Variants in FARS2 observed in about 807,000 individuals in gnomAD.
FARS2 encodes the protein phenylalanyl-tRNA synthetase 2, mitochondrial.
A neutral mutation model predicts 46.4 loss-of-function variants in FARS2; 40 were observed. That is an observed-to-expected ratio of 0.86 (90% CI 0.67 to 1.12). The LOEUF is 1.12. Ranked by LOEUF, FARS2 falls within the 50% of genes most tolerant of loss-of-function variation. The pLI is 0.00. For missense variants in FARS2, 513 were observed against 567.9 expected (o/e 0.90, Z 0.98); for synonymous variants, 234 against 214.9 (o/e 1.09, Z -0.78).
At chr6:5,638,858 C>T (rs1423323866) in intron 6 of FARS2, among the ~76,000 whole-genome samples, 1 of 152,200 alleles carries the variant, frequency 6.6e-6, no homozygotes, top group Non-Finnish European at 1.5e-5. Flanking sequence ...GAGCTCAGGC[C>T]ACTCACAGCT....
chr6:5,640,650 G>T (rs542661400), intron 6 of FARS2, among the ~76,000 whole-genome samples: 76 of 152,310 alleles, frequency 5.0e-4, no homozygotes, highest in African/African-American at 1.7e-3. Flanking sequence ...TCTCGAAGCC[G>T]CCTGCTATGC....
chr6:5,266,256 G>A lies in FARS2; in HGVS notation c.-22+4596G>A, dbSNP rs115031601. Among the ~76,000 whole-genome samples the A allele has an allele frequency of 6.5e-3, 984 of 152,324 alleles. 16 individuals are homozygous for A. Among genetic ancestry groups the A allele is most frequent in the African/African-American group, 0.023 (941 of 41,550 alleles). The stretch of plus-strand genomic sequence containing the variant: ...ATGAGGGTGAGAACGGGGAGATCCC[G>A]TGAAAAGGTAATACATCGGCTTTCA... On this transcript the variant is annotated intron_variant, in intron 1 of 6. Transcript: ENST00000274680.
At chr6:5,742,822 G>A (rs1412434523) in intron 6 of FARS2, among the ~76,000 whole-genome samples, 2 of 152,044 alleles carry the variant, frequency 1.3e-5, no homozygotes, top group Non-Finnish European at 2.9e-5. Context: ...AAAGCAAAAC[G>A]ACATAGTATT....
intron 1 of FARS2, among the ~76,000 whole-genome samples, chr6:5,269,053 G>A (rs557975510): frequency 2.0e-5 from 3 of 152,252 alleles, no homozygotes; most frequent in Admixed American, 1.3e-4. Context: ...GTTTATTGCA[G>A]CACTGTTCAC....
chr6:5,726,467 G>A (rs1025432486), intron 6 of FARS2, among the ~76,000 whole-genome samples: 1 of 152,220 alleles, frequency 6.6e-6, no homozygotes, highest in African/African-American at 2.4e-5. Flanking sequence ...TCCTCACGAT[G>A]TAAAAACATG....
chr6:5,328,793 T>A lies in FARS2; in HGVS notation c.-21-39757T>A, dbSNP rs1188587598. ...TCCTTAAAAATAAAAGAAAAAAACC[T>A]AACATGTAGACTTTTTCTCTGCAGC... On this transcript the variant is annotated intron_variant, in intron 1 of 6. Transcript: ENST00000274680. 2.0e-5 allele frequency among the ~76,000 whole-genome samples: 3 copies of A among 152,150 alleles called. No individual in the cohort carries two copies. In the East Asian group the frequency reaches 5.8e-4, roughly 29 times the overall value.
chr6:5,532,764 G>GTAATAA (rs113215364), intron 4 of FARS2, among the ~76,000 whole-genome samples: 12 of 148,808 alleles, frequency 8.1e-5, no homozygotes, highest in East Asian at 1.9e-4. Flanking sequence ...AGTAGTAGTA[G>GTAATAA]TAATAATAAT....
chr6:5,341,270 A>G (rs1771632603), intron 1 of FARS2, among the ~76,000 whole-genome samples: 1 of 77,472 alleles, frequency 1.3e-5, no homozygotes, highest in East Asian at 3.4e-4. Flanking sequence ...CTGTGAGAGC[A>G]GTTGTTTTGA....
At chr6:5,430,885 A>C (rs189939451) in intron 3 of FARS2, among the ~76,000 whole-genome samples, 156 bp from the exon 4 acceptor site, 8 of 152,218 alleles carry the variant, frequency 5.3e-5, no homozygotes, top group Admixed American at 2.6e-4. Flanking sequence ...TTTAAGATTT[A>C]TTGCCTCACC....
chr6:5,698,709 G>C (rs1406357611), intron 6 of FARS2, among the ~76,000 whole-genome samples: 3 of 152,186 alleles, frequency 2.0e-5, no homozygotes, highest in Non-Finnish European at 4.4e-5. Context: ...TGGCCCACAG[G>C]GTGTGGGTCC....
chr6:5,740,429 G>A (rs570321844), intron 6 of FARS2, among the ~76,000 whole-genome samples: 28 of 152,004 alleles, frequency 1.8e-4, no homozygotes, highest in African/African-American at 3.9e-4. Flanking sequence ...AAATAGTAGA[G>A]ATTTCTTAAG....
chr6:5,486,838 G>A (rs1290616324), intron 4 of FARS2, among the ~76,000 whole-genome samples: 2 of 152,152 alleles, frequency 1.3e-5, no homozygotes, highest in Non-Finnish European at 2.9e-5. Context: ...ATCTACCTCT[G>A]TCTTCTGTGA....
chr6:5,662,852 A>G (rs1777913143), intron 6 of FARS2, among the ~76,000 whole-genome samples: 2 of 152,168 alleles, frequency 1.3e-5, no homozygotes, highest in Admixed American at 1.3e-4. Flanking sequence ...GCCCCAGTTT[A>G]CTTCACTATA....
intron 6 of FARS2, among the ~76,000 whole-genome samples, chr6:5,716,020 T>C (rs1759472382): frequency 6.6e-6 from 1 of 152,210 alleles, no homozygotes. Context: ...CTACAAAGTG[T>C]TACCTCATTC....
chr6:5,606,680 A>G (rs1274236022), intron 5 of FARS2, among the ~76,000 whole-genome samples: 1 of 152,186 alleles, frequency 6.6e-6, no homozygotes, highest in Admixed American at 6.5e-5. Context: ...TTTGTTACTC[A>G]GCACAGAGGT....
At chr6:5,731,202 T>A (rs985765655) in intron 6 of FARS2, among the ~76,000 whole-genome samples, 2 of 152,208 alleles carry the variant, frequency 1.3e-5, no homozygotes, top group African/African-American at 4.8e-5. Flanking sequence ...AAAATGAGAC[T>A]GAGTATATTG....
intron 5 of FARS2, among the ~76,000 whole-genome samples, chr6:5,584,877 A>C (rs923303510): frequency 2.6e-5 from 4 of 152,212 alleles, no homozygotes; most frequent in Non-Finnish European, 5.9e-5. Flanking sequence ...GGAGATATCG[A>C]TGGTGTTAAT....
intron 2 of FARS2, among the ~76,000 whole-genome samples, chr6:5,377,804 A>G (rs897244518): frequency 1.2e-4 from 19 of 152,174 alleles, no homozygotes; most frequent in African/African-American, 4.6e-4. Context: ...GTTAAAATGC[A>G]ATTTCTCTTA....
chr6:5,752,490 A>G (rs939894453), intron 6 of FARS2, among the ~76,000 whole-genome samples: 1 of 152,250 alleles, frequency 6.6e-6, no homozygotes, highest in Non-Finnish European at 1.5e-5. Context: ...CTACTTATTC[A>G]GAATGGCTAT....
Sources: gnomAD v4.1 joint callset for allele counts (sites outside exome capture counted in the v4.1 genomes callset) on GRCh38, gnomAD v4.1.1 for gene constraint, MANE v1.5 for transcripts, NCBI Gene and HGNC (gene_info 2026-07-23, HGNC 2026-07-21) for gene names.